Variants in SLC22A12 observed in about 807,000 individuals in gnomAD.
SLC22A12 encodes the protein organic anion transporter 4-like protein.
Under a neutral mutation model 52.7 loss-of-function variants are expected in SLC22A12, and 56 were observed. That is an observed-to-expected ratio of 1.06 (90% CI 0.86 to 1.33). The LOEUF (loss-of-function observed/expected upper bound fraction) is 1.33. SLC22A12 is among the 40% of genes most tolerant of loss of function. SLC22A12 has a pLI of 0.00. For synonymous variants in SLC22A12, 337 were observed against 324.6 expected (o/e 1.04, Z -0.41); for missense variants, 683 against 741.5 (o/e 0.92, Z 0.92).
intron 7 of SLC22A12, 133 bp from the exon 8 acceptor site, chr11:64,600,234 T>A: frequency 1.3e-6 from 1 of 790,472 alleles, no homozygotes; most frequent in Non-Finnish European, 2.1e-6. Flanking sequence ...CAGGACAGGA[T>A]ACCCAGATGG....
At chr11:64,601,189 G>T (rs1422574765) in intron 9 of SLC22A12, among the ~76,000 whole-genome samples, 1 of 152,190 alleles carries the variant, frequency 6.6e-6, no homozygotes, top group Non-Finnish European at 1.5e-5. Context: ...AAATGGACAA[G>T]CTCCCCCAGG....
In SLC22A12 at chr11:64,599,877, G is replaced by T; in HGVS notation, c.1272G>T (p.Thr424=). The T allele has an allele frequency of 6.2e-7, 1 of 1,612,454 alleles. No individual in the cohort carries two copies. The highest frequency in any genetic ancestry group is 8.5e-7 in the Non-Finnish European group (1 of 1,179,664). ...LLAGLCILAN[T]LVPHEMGALR... ...CAGGGCTCTGCATTCTGGCCAACAC[G>T]CTGGTGCCCCACGGTGAGGGGGCAA... is the stretch of plus-strand genomic sequence containing the variant. Residue 424 remains threonine (T), a synonymous_variant, in exon 7 of 10, where the codon ACG becomes ACT. Coordinates refer to ENST00000377574, the MANE Select transcript of SLC22A12 (RefSeq NM_144585.4).
chr11:64,593,896 G>T (rs143329948), intron 4 of SLC22A12, 93 bp downstream of exon 4: 1 of 1,520,842 alleles, frequency 6.6e-7, no homozygotes, highest in East Asian at 2.4e-5. Context: ...GGGGGCTGGG[G>T]AGTGCTAGAG....
At chr11:64,600,578 C>A in intron 8 of SLC22A12, 103 bp downstream of exon 8, 3 of 1,351,526 alleles carry the variant, frequency 2.2e-6, no homozygotes, top group Non-Finnish European at 3.1e-6. Context: ...TCATGTCATG[C>A]ATCTCCCTCT....
chr11:64,593,513 G>A lies in SLC22A12; in HGVS notation c.615G>A (p.Leu205=), dbSNP rs71581772. The change falls in exon 3 of 10, where the codon CTG becomes CTA. Residue 205 remains leucine (L), a synonymous_variant. Transcript: ENST00000377574. ...CCGTGTACTGCCTGTTCCGCTTCCTGTTGGCCTTTGCCGTGGCAGGCGTCA... is the reference window on the plus strand; with the variant it reads ...CCGTGTACTGCCTGTTCCGCTTCCTATTGGCCTTTGCCGTGGCAGGCGTCA... The part of the protein sequence containing the change: ...AFPVYCLFRF[L]LAFAVAGVMM... The A allele has an allele frequency of 5.4e-4, 872 of 1,614,178 alleles. 15 individuals are homozygous for A. In the South Asian group the frequency reaches 7.9e-3, roughly 15 times the overall value.
intron 4 of SLC22A12, among the ~76,000 whole-genome samples, chr11:64,595,364 T>C (rs2039124077): frequency 2.4e-5 from 1 of 41,360 alleles, no homozygotes; most frequent in African/African-American, 4.5e-5. Flanking sequence ...GATGGATGGA[T>C]GGATGGATGG....
intron 4 of SLC22A12, among the ~76,000 whole-genome samples, chr11:64,597,359 G>C (rs2039279986): frequency 6.6e-6 from 1 of 151,938 alleles, no homozygotes; most frequent in Non-Finnish European, 1.5e-5. Flanking sequence ...CTCCCCCACT[G>C]ACCTCCAGCC....
intron 4 of SLC22A12, 27 bp from the exon 5 acceptor site, chr11:64,598,489 A>T: frequency 6.4e-7 from 1 of 1,556,122 alleles, no homozygotes; most frequent in South Asian, 1.2e-5. Flanking sequence ...ACAGGCAATG[A>T]CCCCTCCCAC....
chr11:64,598,710 G>A (rs2135465116), intron 5 of SLC22A12, 71 bp downstream of exon 5: 9 of 1,600,120 alleles, frequency 5.6e-6, no homozygotes, highest in South Asian at 1.1e-5. Context: ...CACCCTGGGA[G>A]ACCCACCAAG....
intron 4 of SLC22A12, among the ~76,000 whole-genome samples, chr11:64,596,129 TGGATGGATG>T (rs1185556639): frequency 1.8e-4 from 27 of 151,008 alleles, no homozygotes; most frequent in African/African-American, 6.6e-4. Flanking sequence ...ATGGAATTGA[TGGATGGATG>T]GGATGGATGG....
At chr11:64,595,872 GA>G (rs1487717021) in intron 4 of SLC22A12, among the ~76,000 whole-genome samples, 8 of 147,782 alleles carry the variant, frequency 5.4e-5, no homozygotes, top group Middle Eastern at 3.7e-3. Flanking sequence ...TGAATGGATG[GA>G]ATGGATGGAT....
chr11:64,600,631 C>A, intron 8 of SLC22A12, 104 bp from the exon 9 acceptor site: 1 of 1,540,398 alleles, frequency 6.5e-7, no homozygotes, highest in Non-Finnish European at 8.8e-7. Context: ...CAAGCCCAGC[C>A]TGACCCCCTG....
chr11:64,598,282 T>C (rs992415660), intron 4 of SLC22A12, among the ~76,000 whole-genome samples: 2 of 152,018 alleles, frequency 1.3e-5, no homozygotes, highest in African/African-American at 4.8e-5. Context: ...AGCCCCAGGA[T>C]GAGAACAGCA....
chr11:64,592,955 GCC>G, intron 2 of SLC22A12, 73 bp downstream of exon 2: 1 of 1,391,142 alleles, frequency 7.2e-7, no homozygotes, highest in Non-Finnish European at 1.0e-6. Context: ...TGGCCGACTG[GCC>G]CCAAACCAGC....
intron 5 of SLC22A12, 25 bp downstream of exon 5, chr11:64,598,664 C>T (rs751615513): frequency 8.1e-6 from 13 of 1,605,766 alleles, no homozygotes; most frequent in Middle Eastern, 1.7e-4. Flanking sequence ...TCCTCAAACC[C>T]GGACCCTCAG....
rs959259457 is a variant in SLC22A12, at chr11:64,591,333, T to A, written c.-224T>A. 2 of 603,360 alleles carry A rather than the reference T, an allele frequency of 3.3e-6. No individual in the cohort carries two copies. Among genetic ancestry groups the A allele is most frequent in the Non-Finnish European group, 5.8e-6 (2 of 345,284 alleles). 37.4% of individuals were successfully genotyped at this position (603,360 alleles called of 1,614,324 possible). On this transcript the variant is annotated 5_prime_UTR_variant, in exon 1 of 10. Coordinates refer to ENST00000377574, the MANE Select transcript of SLC22A12 (RefSeq NM_144585.4). ...AGATGCTGGAGGTCTCGGAATCACCTCACGCGGCCTCAGGGCCCAGTTGGA... is the reference window on the plus strand; with the variant it reads ...AGATGCTGGAGGTCTCGGAATCACCACACGCGGCCTCAGGGCCCAGTTGGA...
At chr11:64,595,022 G>GATGGATGT in intron 4 of SLC22A12, among the ~76,000 whole-genome samples, 1 of 44,038 alleles carries the variant, frequency 2.3e-5, no homozygotes, top group Non-Finnish European at 8.8e-5. Context: ...TGGATGGATG[G>GATGGATGT]TTGGAATAGA....
intron 2 of SLC22A12, 93 bp from the exon 3 acceptor site, chr11:64,593,312 G>T (rs2038981465): frequency 6.3e-7 from 1 of 1,591,850 alleles, no homozygotes; most frequent in Non-Finnish European, 8.6e-7. Flanking sequence ...CAGCTCAGCG[G>T]GCAAGCATAG....
intron 6 of SLC22A12, 85 bp from the exon 7 acceptor site, chr11:64,599,591 G>GCCCCCCCCCCCCCCTGTT: frequency 4.9e-6 from 3 of 617,180 alleles, no homozygotes; most frequent in Admixed American, 3.0e-5. Flanking sequence ...CCCACCCTGA[G>GCCCCCCCCCCCCCCTGTT]CCCCCACCGC....
Sources: allele counts gnomAD v4.1 joint callset (sites outside exome capture counted in the v4.1 genomes callset), GRCh38; gene constraint gnomAD v4.1.1; transcripts MANE v1.5; gene names NCBI Gene and HGNC (gene_info 2026-07-23, HGNC 2026-07-21).